UGT2B7: variants seen among roughly 807,000 people sequenced by gnomAD.
The protein encoded by UGT2B7 is UDP-glucuronosyltransferase 2B7.
UGT2B7 carries 51 observed loss-of-function variants against 51.9 expected under a neutral mutation model. The ratio of observed to expected loss-of-function variants is 0.98; its 90% CI spans 0.78 to 1.24. UGT2B7 has a LOEUF of 1.24. Ranked by LOEUF, UGT2B7 falls within the 50% of genes most tolerant of loss-of-function variation. The pLI is 0.00. For synonymous variants in UGT2B7, 225 were observed against 211.6 expected, an observed-to-expected ratio of 1.06 and a Z score of -0.55; for missense variants, 727 against 628.4, an observed-to-expected ratio of 1.16 and a Z score of -1.68.
intron 5 of UGT2B7, among the ~76,000 whole-genome samples, chr4:69,111,508 C>T (rs1300201873): frequency 6.6e-6 from 1 of 152,070 alleles, no homozygotes; most frequent in African/African-American, 2.4e-5. Context: ...TTTCTCATAG[C>T]ACTTAAAAGG....
chr4:69,077,391 C>T (rs1413903253), intron 1 of UGT2B7, among the ~76,000 whole-genome samples: 3 of 152,034 alleles, frequency 2.0e-5, no homozygotes, highest in Non-Finnish European at 2.9e-5. Flanking sequence ...GCCATTTTCA[C>T]GATATTGATT....
At chr4:69,089,422 A>T (rs1479821426) in intron 1 of UGT2B7, 1 of 152,198 alleles carries the variant, frequency 6.6e-6, no homozygotes, top group South Asian at 2.1e-4. Context: ...AAACTATATT[A>T]TTCTACATGA....
At chr4:69,064,064 G>GAAAGAAAGAAAGAAAGAAAGAAAGA (rs1718422018) in intron 1 of UGT2B7, among the ~76,000 whole-genome samples, 1 of 101,820 alleles carries the variant, frequency 9.8e-6, no homozygotes, top group Non-Finnish European at 1.9e-5. Flanking sequence ...AAGAAAGAAA[G>GAAAGAAAGAAAGAAAGAAAGAAAGA]AAAGAAAGAA....
chr4:69,110,169 A>G (rs1399781900), intron 5 of UGT2B7, among the ~76,000 whole-genome samples: 4 of 152,070 alleles, frequency 2.6e-5, no homozygotes, highest in Admixed American at 6.5e-5. Context: ...CAATAAACAT[A>G]TATGTATCAT....
At chr4:69,052,260 T>C (rs1322427980) in intron 1 of UGT2B7, among the ~76,000 whole-genome samples, 2 of 151,986 alleles carry the variant, frequency 1.3e-5, no homozygotes, top group Admixed American at 6.6e-5. Flanking sequence ...CAGCTGTCTT[T>C]AGACCCCTTC....
intron 1 of UGT2B7, chr4:69,070,019 G>A (rs1480731548): frequency 6.6e-6 from 1 of 151,744 alleles, no homozygotes; most frequent in Non-Finnish European, 1.5e-5. Context: ...TGATTTGTTT[G>A]AAATTTTTAA....
intron 1 of UGT2B7, among the ~76,000 whole-genome samples, chr4:69,082,122 T>C (rs1005627259): frequency 1.3e-5 from 2 of 152,094 alleles, no homozygotes; most frequent in Admixed American, 1.3e-4. Context: ...CCATATAAGA[T>C]GTCCAACTTA....
At chr4:69,083,549 A>G (rs1190537064) in intron 1 of UGT2B7, among the ~76,000 whole-genome samples, 2 of 152,092 alleles carry the variant, frequency 1.3e-5, no homozygotes, top group African/African-American at 4.8e-5. Context: ...GATGTGTTTT[A>G]TTCCATTTCT....
Position 69,097,182 on chromosome 4 carries a change from AC to A in UGT2B7, c.663del (p.Trp223GlyfsTer7), listed in dbSNP as rs2109883683. ...AATATGATCTATGTGCTTTACTTTG[AC>A]TTTTGGTTCGAAATATTTGACATGA... ...VKNMIYVLYF[D>X]FWFEIFDMKK... is the part of the protein sequence containing the mutation. On this transcript the variant is annotated frameshift_variant, in exon 1 of 6. Transcript: ENST00000305231. LOFTEE classifies it high-confidence loss of function. 3.1e-6 allele frequency: 5 copies of A among 1,612,798 alleles called. No homozygotes were observed. The highest frequency in any genetic ancestry group is 4.2e-6 in the Non-Finnish European group (5 of 1,179,400).
intron 1 of UGT2B7, among the ~76,000 whole-genome samples, chr4:69,082,617 G>C (rs941265537): frequency 2.6e-5 from 4 of 151,882 alleles, no homozygotes; most frequent in African/African-American, 9.7e-5. Context: ...ATACATGAGG[G>C]AGCCAAAGAG....
intron 1 of UGT2B7, among the ~76,000 whole-genome samples, chr4:69,053,357 A>G (rs1053137843): frequency 6.6e-6 from 1 of 152,226 alleles, no homozygotes; most frequent in African/African-American, 2.4e-5. Flanking sequence ...CACAGAAGTT[A>G]AAGACTTAAA....
At chr4:69,081,421 G>A (rs1718834735) in intron 1 of UGT2B7, among the ~76,000 whole-genome samples, 1 of 151,970 alleles carries the variant, frequency 6.6e-6, no homozygotes, top group Non-Finnish European at 1.5e-5. Context: ...TGTCAGAGTG[G>A]CTTGCTAAAG....
intron 1 of UGT2B7, among the ~76,000 whole-genome samples, chr4:69,087,259 TTTATTG>T (rs1406375179): frequency 1.3e-5 from 2 of 151,988 alleles, no homozygotes; most frequent in African/African-American, 4.8e-5. Context: ...ACAAAAATAT[TTTATTG>T]TTAGATATTT....
chr4:69,061,145 T>C (rs1214942098), intron 1 of UGT2B7, among the ~76,000 whole-genome samples: 1 of 152,214 alleles, frequency 6.6e-6, no homozygotes. Flanking sequence ...AAAGCAAAGC[T>C]GATAGGTCTT....
At chr4:69,069,370 A>AT (rs1052367295) in intron 1 of UGT2B7, among the ~76,000 whole-genome samples, 2 of 151,698 alleles carry the variant, frequency 1.3e-5, no homozygotes, top group South Asian at 2.1e-4. Flanking sequence ...CTCTCAATTG[A>AT]TTTTTTTTAA....
chr4:69,106,247 C>T (rs2109892045), intron 3 of UGT2B7, among the ~76,000 whole-genome samples: 1 of 152,068 alleles, frequency 6.6e-6, no homozygotes, highest in East Asian at 1.9e-4. Context: ...TTTCCTGATC[C>T]TCCCACCCTC....
intron 1 of UGT2B7, among the ~76,000 whole-genome samples, chr4:69,076,319 A>T (rs1164155141): frequency 6.6e-6 from 1 of 152,162 alleles, no homozygotes; most frequent in East Asian, 1.9e-4. Context: ...TGCTGAGTCA[A>T]ATGGTATTTC....
chr4:69,056,836 G>T (rs371943788), intron 1 of UGT2B7, among the ~76,000 whole-genome samples: 10 of 152,068 alleles, frequency 6.6e-5, no homozygotes, highest in African/African-American at 2.2e-4. Context: ...CTAATAAAAA[G>T]TGAGAGTCTC....
intron 1 of UGT2B7, among the ~76,000 whole-genome samples, chr4:69,057,404 A>G (rs1386549479): frequency 6.6e-6 from 1 of 152,130 alleles, no homozygotes; most frequent in Non-Finnish European, 1.5e-5. Flanking sequence ...TGTGGCACAT[A>G]CCTCCTTCCA....
Sources: gnomAD v4.1 joint callset for allele counts (sites outside exome capture counted in the v4.1 genomes callset) on GRCh38, gnomAD v4.1.1 for gene constraint, MANE v1.5 for transcripts, NCBI Gene and HGNC (gene_info 2026-07-23, HGNC 2026-07-21) for gene names.